Variants in ALDH1A2 observed in about 807,000 individuals in gnomAD.
ALDH1A2 encodes aldehyde dehydrogenase 1 family member A2, also known as retinal dehydrogenase 2.
A neutral mutation model predicts 60.3 loss-of-function variants in ALDH1A2; 27 were observed. The ratio of observed to expected loss-of-function variants is 0.45; its 90% CI spans 0.33 to 0.62. The LOEUF (loss-of-function observed/expected upper bound fraction) is 0.62, where lower values mean the gene tolerates loss of function less well. Among genes scored for constraint, ALDH1A2 ranks in the 20% least tolerant of loss-of-function variants. The pLI is 0.02. For synonymous variants in ALDH1A2, 289 were observed against 232.4 expected (o/e 1.24, Z -2.21); for missense variants, 581 against 643.8 (o/e 0.90, Z 1.06).
intron 4 of ALDH1A2, among the ~76,000 whole-genome samples, chr15:58,009,421 T>G (rs993143005): frequency 6.6e-6 from 1 of 151,880 alleles, no homozygotes. Context: ...AACCACTCCC[T>G]TTTTTAGTAA....
intron 9 of ALDH1A2, 93 bp from the exon 10 acceptor site, chr15:57,962,269 T>C: frequency 1.3e-6 from 2 of 1,520,114 alleles, no homozygotes; most frequent in Non-Finnish European, 9.0e-7. Flanking sequence ...TAGGGTTTTT[T>C]TCAAAGTTTA....
chr15:57,993,198 A>G, intron 5 of ALDH1A2, 125 bp from the exon 6 acceptor site: 1 of 1,166,158 alleles, frequency 8.6e-7, no homozygotes, highest in East Asian at 2.6e-5. Flanking sequence ...TACAAAGTAC[A>G]GATGTTTGGA....
chr15:57,956,635 C>T (rs1338280442), intron 12 of ALDH1A2, among the ~76,000 whole-genome samples: 1 of 152,156 alleles, frequency 6.6e-6, no homozygotes, highest in Non-Finnish European at 1.5e-5. Context: ...TTGCCCCACT[C>T]GTTGCATGCT....
chr15:58,060,463 CTTTTTT>C (rs35187901), intron 1 of ALDH1A2, among the ~76,000 whole-genome samples: 1 of 87,512 alleles, frequency 1.1e-5, no homozygotes, highest in Non-Finnish European at 2.1e-5. Flanking sequence ...CCACACATAT[CTTTTTT>C]TTTTTTTTTT....
chr15:57,996,908 T>C (rs1895082935), intron 4 of ALDH1A2, among the ~76,000 whole-genome samples: 1 of 152,048 alleles, frequency 6.6e-6, no homozygotes, highest in Admixed American at 6.6e-5. Flanking sequence ...CATCTTTTCA[T>C]GCTTATATTG....
intron 5 of ALDH1A2, among the ~76,000 whole-genome samples, 184 bp from the exon 6 acceptor site, chr15:57,993,257 C>T (rs1894954549): frequency 6.6e-6 from 1 of 152,200 alleles, no homozygotes. Context: ...TTGGAAATCT[C>T]TCCTTTTCTC....
At chr15:58,004,730 C>CACATAT (rs1555402515) in intron 4 of ALDH1A2, among the ~76,000 whole-genome samples, 38 of 140,712 alleles carry the variant, frequency 2.7e-4, no homozygotes, top group South Asian at 2.3e-4. Flanking sequence ...TATATATATA[C>CACATAT]ATATATATAT....
chr15:58,046,856 G>A (rs1274936813), intron 1 of ALDH1A2, among the ~76,000 whole-genome samples: 1 of 152,008 alleles, frequency 6.6e-6, no homozygotes, highest in Non-Finnish European at 1.5e-5. Context: ...AAAGTAGTGG[G>A]GCTGGGATAA....
intron 1 of ALDH1A2, among the ~76,000 whole-genome samples, chr15:58,020,139 A>G (rs1379154414): frequency 1.3e-5 from 2 of 152,144 alleles, no homozygotes; most frequent in Non-Finnish European, 2.9e-5. Flanking sequence ...CCATCCAAGT[A>G]CCTGTAAAGG....
intron 1 of ALDH1A2, among the ~76,000 whole-genome samples, chr15:58,019,867 C>A (rs1411866071): frequency 1.3e-5 from 2 of 152,092 alleles, no homozygotes; most frequent in African/African-American, 4.8e-5. Flanking sequence ...GCAGGACATG[C>A]AGGTTTGTTA....
chr15:57,981,358 A>G (rs1250289404), intron 7 of ALDH1A2, among the ~76,000 whole-genome samples: 6 of 151,898 alleles, frequency 4.0e-5, no homozygotes, highest in African/African-American at 1.5e-4. Context: ...TGGTAGCCAA[A>G]AATATTTGTA....
chr15:58,029,940 T>C lies in ALDH1A2; in HGVS notation c.118-15659A>G, dbSNP rs562332933. Reference sequence around the variant, plus strand: ...AGGACCAGATGGAATCACAGTGCAATTCTAACAGAGGTACAAACAGCAAAG... The same window carrying C: ...AGGACCAGATGGAATCACAGTGCAACTCTAACAGAGGTACAAACAGCAAAG... On this transcript the variant is annotated intron_variant, in intron 1 of 12. Coordinates refer to ENST00000249750, the MANE Select transcript of ALDH1A2 (RefSeq NM_003888.4). Among the ~76,000 whole-genome samples, 19 of 152,260 alleles carry C rather than the reference T, an allele frequency of 1.2e-4. No homozygotes were observed. The South Asian group carries it at 3.9e-3, about 32-fold the overall frequency.
chr15:57,991,958 G>A (rs1429136719), intron 7 of ALDH1A2, among the ~76,000 whole-genome samples: 1 of 152,148 alleles, frequency 6.6e-6, no homozygotes, highest in Non-Finnish European at 1.5e-5. Context: ...CTCTGTAACA[G>A]GGATCTGTAA....
chr15:58,001,891 T>A (rs548763499), intron 4 of ALDH1A2, among the ~76,000 whole-genome samples: 1 of 151,828 alleles, frequency 6.6e-6, no homozygotes, highest in East Asian at 1.9e-4. Context: ...GGATACCACA[T>A]TGTAGGTCAA....
chr15:58,065,340 C>A (rs1897149331), intron 1 of ALDH1A2, 194 bp downstream of exon 1: 2 of 659,284 alleles, frequency 3.0e-6, no homozygotes, highest in Non-Finnish European at 5.5e-6. Context: ...CCCAAGGCGT[C>A]CTCAGACCAC....
At chr15:57,958,159 A>T (rs1304300933) in intron 12 of ALDH1A2, among the ~76,000 whole-genome samples, 4 of 152,204 alleles carry the variant, frequency 2.6e-5, no homozygotes, top group Non-Finnish European at 5.9e-5. Flanking sequence ...CATGCTTAAC[A>T]AAACCATCAC....
intron 1 of ALDH1A2, among the ~76,000 whole-genome samples, chr15:58,030,479 CA>C (rs1896206353): frequency 6.6e-6 from 1 of 152,092 alleles, no homozygotes; most frequent in African/African-American, 2.4e-5. Flanking sequence ...AAAACTGGCA[CA>C]AGACAAGGAT....
At chr15:58,025,399 C>A (rs903719811) in intron 1 of ALDH1A2, among the ~76,000 whole-genome samples, 5 of 152,082 alleles carry the variant, frequency 3.3e-5, no homozygotes, top group African/African-American at 9.7e-5. Context: ...CATTGACAAA[C>A]TGAAAAACCT....
chr15:58,007,296 T>C (rs984358471), intron 4 of ALDH1A2, among the ~76,000 whole-genome samples: 1 of 152,022 alleles, frequency 6.6e-6, no homozygotes, highest in Admixed American at 6.6e-5. Flanking sequence ...ACATAACTAC[T>C]ATGAATGATG....
Sources: allele counts gnomAD v4.1 joint callset (sites outside exome capture counted in the v4.1 genomes callset), GRCh38; gene constraint gnomAD v4.1.1; transcripts MANE v1.5; gene names NCBI Gene and HGNC (gene_info 2026-07-23, HGNC 2026-07-21).